The following IFRD1 variants were observed in gnomAD, a reference collection of about 807,000 sequenced individuals.
The protein encoded by IFRD1 is interferon-related developmental regulator 1.
Under a neutral mutation model 52.9 loss-of-function variants are expected in IFRD1, and 35 were observed. That is an observed-to-expected ratio of 0.66 (90% CI 0.51 to 0.88). The LOEUF (loss-of-function observed/expected upper bound fraction) is 0.88. Ranked by LOEUF, IFRD1 falls within the 40% of genes least tolerant of loss-of-function variation. The pLI, the probability that IFRD1 is intolerant of heterozygous loss-of-function variation, is 0.00. For synonymous variants in IFRD1, 184 were observed against 188.4 expected (o/e 0.98, Z 0.19); for missense variants, 517 against 550.8 (o/e 0.94, Z 0.61).
chr7:112,451,039 T>A, intron 1 of IFRD1: 2 of 523,540 alleles, frequency 3.8e-6, no homozygotes, highest in South Asian at 4.3e-5. Flanking sequence ...GGCCTGAGAG[T>A]GTGTCGGGAC....
intron 1 of IFRD1, chr7:112,452,512 G>T (rs745891634): frequency 3.5e-5 from 32 of 919,618 alleles, no homozygotes; most frequent in Non-Finnish European, 3.4e-5. Flanking sequence ...TTTCTAGAAG[G>T]TATTTATTTT....
Position 112,475,571 on chromosome 7 carries a change from A to G in IFRD1, c.*52A>G. The G allele has an allele frequency of 1.8e-6, 2 of 1,118,588 alleles. No individual in the cohort carries two copies. Among genetic ancestry groups the G allele is most frequent in the Non-Finnish European group, 2.7e-6 (2 of 752,676 alleles). The allele number at this position is 1,118,588 out of a possible 1,614,324, so 69.3% of individuals were successfully genotyped here. ...TAATTTCTATTTTTTTTTCTATTTCAATGTATTTAAACTCTAGACACAGTT... is the reference window on the plus strand; with the variant it reads ...TAATTTCTATTTTTTTTTCTATTTCGATGTATTTAAACTCTAGACACAGTT... On this transcript the variant is annotated 3_prime_UTR_variant, in exon 12 of 12. Transcript: ENST00000403825.
chr7:112,450,795 C>A lies in IFRD1; in HGVS notation c.94+13C>A. 1 of 1,596,290 alleles carries A rather than the reference C, an allele frequency of 6.3e-7. No homozygotes were observed. Reference sequence around the variant, plus strand: ...GCGGCGACAGCAGGTAAGGGGTATCCCCGCCGCCGGCATCCCAGTTGCCGG... The same window carrying A: ...GCGGCGACAGCAGGTAAGGGGTATCACCGCCGCCGGCATCCCAGTTGCCGG... On this transcript the variant is annotated intron_variant, in intron 1 of 11. Transcript: ENST00000403825.
chr7:112,466,223 C>T (rs897393183), intron 8 of IFRD1, among the ~76,000 whole-genome samples: 2 of 151,826 alleles, frequency 1.3e-5, no homozygotes, highest in South Asian at 2.1e-4. Flanking sequence ...TTTTTTATTA[C>T]GTGTTACATT....
chr7:112,452,070 C>A, intron 1 of IFRD1: 2 of 981,558 alleles, frequency 2.0e-6, no homozygotes, highest in Non-Finnish European at 2.4e-6. Context: ...TGAATGCTCT[C>A]CATGTTGATG....
chr7:112,444,593 T>C (rs1794974493), intron 1 of IFRD1, among the ~76,000 whole-genome samples: 1 of 152,114 alleles, frequency 6.6e-6, no homozygotes, highest in Admixed American at 6.5e-5. Context: ...GCTTTAGAAA[T>C]ATCAGAAAAA....
At chr7:112,446,413 C>T (rs144777208), upstream of IFRD1, 242 of 154,720 alleles carry the variant, frequency 1.6e-3, no homozygotes, top group Middle Eastern at 6.7e-3. Flanking sequence ...CTAAGTGCCA[C>T]GTACTGTTCC....
intron 1 of IFRD1, among the ~76,000 whole-genome samples, chr7:112,453,875 A>G (rs1210178209): frequency 6.6e-6 from 1 of 152,246 alleles, no homozygotes; most frequent in Non-Finnish European, 1.5e-5. Flanking sequence ...CGTTAAAAAA[A>G]AAAATCCAGC....
upstream of IFRD1, among the ~76,000 whole-genome samples, chr7:112,449,145 C>T (rs1795091883): frequency 6.6e-6 from 1 of 152,116 alleles, no homozygotes; most frequent in South Asian, 2.1e-4. Context: ...GTGCATGAAA[C>T]ATGGATGAAA....
intron 8 of IFRD1, among the ~76,000 whole-genome samples, chr7:112,463,328 C>CT (rs1353484547): frequency 6.6e-6 from 1 of 152,040 alleles, no homozygotes; most frequent in African/African-American, 2.4e-5. Context: ...CATTCTGAAA[C>CT]TTTTTTGCAT....
At chr7:112,450,124 C>T (rs1204268558), upstream of IFRD1, 1 of 161,398 alleles carries the variant, frequency 6.2e-6, no homozygotes, top group Non-Finnish European at 1.4e-5. Context: ...CCTACCTCAC[C>T]CAGTTCCAAG....
rs1416262591 is a variant in IFRD1, at chr7:112,462,110, G to A, written c.728G>A (p.Ser243Asn). The change falls in exon 7 of 12, where the codon AGC (serine) becomes AAC (asparagine). Residue 243 changes from serine to asparagine, a missense_variant. Coordinates refer to ENST00000403825, the MANE Select transcript of IFRD1 (RefSeq NM_001550.4). ...ACTCCTAATACAGTGCTTCATATCA[G>A]CTCTCTTCTTGCATGGACACTACTG... ...CSTPNTVLHISSLLAWTLLLT... is the reference protein window; with the variant it reads ...CSTPNTVLHINSLLAWTLLLT... The A allele has an allele frequency of 6.2e-7, 1 of 1,613,634 alleles. No individual in the cohort carries two copies. Among genetic ancestry groups the A allele is most frequent in the African/African-American group, 1.3e-5 (1 of 74,974 alleles).
chr7:112,434,163 C>T (rs1431591752), intron 1 of IFRD1, among the ~76,000 whole-genome samples: 1 of 152,178 alleles, frequency 6.6e-6, no homozygotes, highest in African/African-American at 2.4e-5. Context: ...GCTCTCTGTT[C>T]GAGGTATTTT....
At chr7:112,439,050 A>T (rs1794791833) in intron 1 of IFRD1, among the ~76,000 whole-genome samples, 1 of 152,266 alleles carries the variant, frequency 6.6e-6, no homozygotes, top group South Asian at 2.1e-4. Flanking sequence ...GAAAACTCTT[A>T]ATCTGGAAGC....
chr7:112,472,806 CA>C lies in IFRD1; in HGVS notation c.1212del (p.Val405Ter). 6.2e-7 allele frequency: 1 copy of C among 1,613,510 alleles called. No individual in the cohort carries two copies. The highest frequency in any genetic ancestry group is 8.5e-7 in the Non-Finnish European group (1 of 1,179,448). ...CGAAATGTATTTGAACTTGGACCCC[CA>C]GTGATGCTTGATGCTGCAACGCTTA... ...FLRNVFELGP[P>X]VMLDAATLKT... On this transcript the variant is annotated frameshift_variant, in exon 11 of 12. Transcript: ENST00000403825. LOFTEE classifies it high-confidence loss of function.
Position 112,458,928 on chromosome 7 carries a change from A to G in IFRD1, c.477A>G (p.Gly159=), listed in dbSNP as rs1563267151. 3 of 1,613,920 alleles carry G rather than the reference A, an allele frequency of 1.9e-6. No individual in the cohort carries two copies. The African/African-American group carries it at 4.0e-5, about 22-fold the overall frequency. ...ASVLCIQLGP[G]IESEEILKTL... ...TTCTTTGTATTCAGCTGGGCCCTGG[A>G]ATTGAAAGTGAAGAGATTTTGAAAA... Residue 159 remains glycine, a synonymous_variant, in exon 5 of 12, where the codon GGA becomes GGG. Transcript: ENST00000403825.
Position 112,456,080 on chromosome 7 carries a change from A to T in IFRD1, c.278A>T (p.Asp93Val). 1 of 1,585,608 alleles carries T rather than the reference A, an allele frequency of 6.3e-7. No homozygotes were observed. The highest frequency in any genetic ancestry group is 8.7e-7 in the Non-Finnish European group (1 of 1,154,050). Residue 93 changes from aspartate (D) to valine (V), a missense_variant, in exon 3 of 12, where the codon GAT (aspartate) becomes GTT (valine). By Grantham distance (152) the Asp-to-Val change is radical. Transcript: ENST00000403825. ...KLKGLIDLTL[D>V]KSAKTRQAAL... ...AAGGGATTAATTGACCTAACCCTGG[A>T]TAAGAGGTAGGCAATACTGGAAACT... is the stretch of plus-strand genomic sequence containing the variant.
intron 4 of IFRD1, among the ~76,000 whole-genome samples, chr7:112,458,605 A>G (rs948800246): frequency 9.2e-5 from 14 of 152,242 alleles, no homozygotes; most frequent in Admixed American, 5.9e-4. Flanking sequence ...TTTACAGATG[A>G]GGAATTCTAT....
At chr7:112,472,703 G>T in intron 10 of IFRD1, 63 bp from the exon 11 acceptor site, 1 of 986,348 alleles carries the variant, frequency 1.0e-6, no homozygotes, top group Non-Finnish European at 1.6e-6. Flanking sequence ...GAGTCACTCT[G>T]TCTAGTGAAA....
Sources: allele counts gnomAD v4.1 joint callset (sites outside exome capture counted in the v4.1 genomes callset), GRCh38; gene constraint gnomAD v4.1.1; transcripts MANE v1.5; gene names NCBI Gene and HGNC (gene_info 2026-07-23, HGNC 2026-07-21).